CAPN3: variants seen among roughly 807,000 people sequenced by gnomAD.
CAPN3 encodes calpain 3, also known as calpain-3.
CAPN3 carries 88 observed loss-of-function variants against 114.0 expected under a neutral mutation model. The observed-to-expected ratio is 0.77, with a 90% confidence interval of 0.65 to 0.92. The LOEUF (loss-of-function observed/expected upper bound fraction) is 0.92, where lower values mean the gene tolerates loss of function less well. Ranked by LOEUF, CAPN3 falls within the 40% of genes least tolerant of loss-of-function variation. The pLI is 0.00. For missense variants in CAPN3, 1,028 were observed against 1,069.0 expected (o/e 0.96, Z 0.53); for synonymous variants, 386 against 382.9 (o/e 1.01, Z -0.09).
At chr15:42,384,105 T>A (rs2053318601) in intron 1 of CAPN3, among the ~76,000 whole-genome samples, 1 of 151,984 alleles carries the variant, frequency 6.6e-6, no homozygotes, top group Admixed American at 6.6e-5. Context: ...CACTACATAA[T>A]GGAACTCAAT....
intron 1 of CAPN3, among the ~76,000 whole-genome samples, chr15:42,378,304 G>A (rs1467486518): frequency 2.6e-5 from 4 of 152,220 alleles, no homozygotes; most frequent in Admixed American, 1.3e-4. Flanking sequence ...GACCACATGA[G>A]TAAACAAGCT....
intron 8 of CAPN3, among the ~76,000 whole-genome samples, chr15:42,394,708 T>C (rs2053644862): frequency 6.6e-6 from 1 of 152,162 alleles, no homozygotes; most frequent in African/African-American, 2.4e-5. Flanking sequence ...TATTAGCACT[T>C]ACCTTGTGGG....
intron 1 of CAPN3, among the ~76,000 whole-genome samples, chr15:42,361,396 G>A (rs989913247): frequency 6.6e-5 from 10 of 152,090 alleles, no homozygotes; most frequent in African/African-American, 2.2e-4. Context: ...ACTTGAACTC[G>A]GGGAGTTGAG....
chr15:42,396,209 C>T (rs1340276982), intron 8 of CAPN3, among the ~76,000 whole-genome samples: 1 of 151,264 alleles, frequency 6.6e-6, no homozygotes, highest in Non-Finnish European at 1.5e-5. Context: ...TATTATTAAA[C>T]GGAACTCCCA....
At chr15:42,372,605 T>C (rs2052981819) in intron 1 of CAPN3, among the ~76,000 whole-genome samples, 1 of 152,186 alleles carries the variant, frequency 6.6e-6, no homozygotes, top group Non-Finnish European at 1.5e-5. Context: ...CCCAACACTT[T>C]GGGAGGCCGA....
intron 23 of CAPN3, 90 bp from the exon 24 acceptor site, chr15:42,411,657 C>A: frequency 1.2e-6 from 1 of 824,960 alleles, no homozygotes; most frequent in Non-Finnish European, 2.1e-6. Flanking sequence ...GGGACTGTTC[C>A]CTTTCCTCTT....
intron 14 of CAPN3, among the ~76,000 whole-genome samples, 154 bp from the exon 15 acceptor site, chr15:42,405,772 A>G (rs1241105952): frequency 6.6e-6 from 1 of 152,098 alleles, no homozygotes; most frequent in African/African-American, 2.4e-5. Flanking sequence ...TTCACCCTCC[A>G]TGCCCCTTTT....
Position 42,401,714 on chromosome 15 carries a change from G to A in CAPN3, c.1428G>A (p.Val476=). The change falls in exon 11 of 24, where the codon GTG becomes GTA. Residue 476 remains valine, a synonymous_variant. Transcript: ENST00000397163. The part of the protein sequence containing the change: ...EEDDDPDDSE[V]ICSFLVALMQ... ...ACGATGACCCTGATGACTCGGAGGT[G>A]ATTTGCAGCTTCCTGGTGGCCCTGA... 2 of 1,614,194 alleles carry A rather than the reference G, an allele frequency of 1.2e-6. No homozygotes were observed. The highest frequency in any genetic ancestry group is 1.7e-6 in the Non-Finnish European group (2 of 1,180,028).
intron 9 of CAPN3, among the ~76,000 whole-genome samples, chr15:42,397,423 C>T (rs933124312): frequency 9.2e-5 from 14 of 152,124 alleles, no homozygotes; most frequent in Non-Finnish European, 1.3e-4. Context: ...GAACGGATCA[C>T]GAGGTCAGGA....
intron 1 of CAPN3, among the ~76,000 whole-genome samples, chr15:42,365,770 C>A (rs2052762890): frequency 1.3e-5 from 2 of 152,214 alleles, no homozygotes; most frequent in Admixed American, 1.3e-4. Flanking sequence ...AGTCCAACCT[C>A]ACCCTTAGCC....
chr15:42,411,573 C>T (rs36010172), intron 23 of CAPN3, among the ~76,000 whole-genome samples, 174 bp from the exon 24 acceptor site: 1 of 151,098 alleles, frequency 6.6e-6, no homozygotes. Flanking sequence ...CATGCACCTT[C>T]TTAGGGAAGA....
At chr15:42,397,517 G>A (rs1047080008) in intron 9 of CAPN3, among the ~76,000 whole-genome samples, 4 of 152,016 alleles carry the variant, frequency 2.6e-5, no homozygotes, top group African/African-American at 4.8e-5. Context: ...GGCAGCGTGC[G>A]CCTGTAGTCC....
At chr15:42,410,330 AG>A (rs1464630105) in intron 19 of CAPN3, 97 bp from the exon 20 acceptor site, 1 of 1,048,878 alleles carries the variant, frequency 9.5e-7, no homozygotes, top group African/African-American at 1.6e-5. Flanking sequence ...ATAGTACAAC[AG>A]GGCAGTGGGT....
rs140828326 is a variant in CAPN3, at chr15:42,401,802, A to G, written c.1516A>G (p.Ile506Val). The change falls in exon 11 of 24, where the codon ATC becomes GTC. Residue 506 changes from isoleucine to valine, a missense_variant. Coordinates refer to ENST00000397163, the MANE Select transcript of CAPN3 (RefSeq NM_000070.3). ...CAGTCTCTTCACCATTGGCTTCGCC[A>G]TCTACGAGGTGTGCAGTCCTGATTG... ...GASLFTIGFAIYEVPKEMHGN... is the reference protein window; with the variant it reads ...GASLFTIGFAVYEVPKEMHGN... The G allele has an allele frequency of 4.0e-5, 64 of 1,613,102 alleles. No homozygotes were observed. The highest frequency in any genetic ancestry group is 5.2e-5 in the Non-Finnish European group (61 of 1,179,616).
intron 14 of CAPN3, chr15:42,404,788 GACC>G: frequency 1.8e-6 from 2 of 1,097,220 alleles, no homozygotes; most frequent in Non-Finnish European, 2.2e-6. Flanking sequence ...TCATAATCCT[GACC>G]CTGAGCCAGT....
intron 13 of CAPN3, 36 bp from the exon 14 acceptor site, chr15:42,403,703 GGT>G: frequency 6.2e-7 from 1 of 1,602,820 alleles, no homozygotes; most frequent in Non-Finnish European, 8.5e-7. Context: ...GCTTGCTTCT[GGT>G]GACACTGAGA....
At position 42,411,273 on chromosome 15, in the gene CAPN3, G is replaced by A; in HGVS notation, c.2381-14G>A. ...CGCCTGTAACTGGCCTCTGGCCTGT[G>A]CATTCTTTCACAGGAGCTTTTCATG... On this transcript the variant is annotated splice_polypyrimidine_tract_variant and intron_variant, in intron 22 of 23. Coordinates refer to ENST00000397163, the MANE Select transcript of CAPN3 (RefSeq NM_000070.3). 6.2e-7 allele frequency: 1 copy of A among 1,613,266 alleles called. No homozygotes were observed. Among genetic ancestry groups the A allele is most frequent in the Non-Finnish European group, 8.5e-7 (1 of 1,179,144 alleles).
At chr15:42,364,815 C>T (rs1262497087) in intron 1 of CAPN3, among the ~76,000 whole-genome samples, 2 of 152,220 alleles carry the variant, frequency 1.3e-5, no homozygotes, top group Non-Finnish European at 2.9e-5. Flanking sequence ...CTGCATGTGC[C>T]TCAGTCATGC....
chr15:42,387,412 G>A (rs1246193055), intron 3 of CAPN3, among the ~76,000 whole-genome samples: 2 of 152,216 alleles, frequency 1.3e-5, no homozygotes, highest in African/African-American at 4.8e-5. Flanking sequence ...GCACCTGAGA[G>A]TGCTGACACC....
Sources: allele counts gnomAD v4.1 joint callset (sites outside exome capture counted in the v4.1 genomes callset), GRCh38; gene constraint gnomAD v4.1.1; transcripts MANE v1.5; gene names NCBI Gene and HGNC (gene_info 2026-07-23, HGNC 2026-07-21).